FGF18: variants seen among roughly 807,000 people sequenced by gnomAD.
FGF18 encodes fibroblast growth factor 18.
A neutral mutation model predicts 23.0 loss-of-function variants in FGF18; 5 were observed. The ratio of observed to expected loss-of-function variants is 0.22; its 90% CI spans 0.11 to 0.46. The LOEUF (loss-of-function observed/expected upper bound fraction) is 0.46. Ranked by LOEUF, FGF18 falls within the 20% of genes least tolerant of loss-of-function variation. The pLI, the probability that FGF18 is intolerant of heterozygous loss-of-function variation, is 0.99. For missense variants in FGF18, 180 were observed against 291.6 expected (o/e 0.62, Z 2.79); for synonymous variants, 117 against 118.9 (o/e 0.98, Z 0.10).
At chr5:171,432,578 T>G (rs550758773) in intron 2 of FGF18, among the ~76,000 whole-genome samples, 25 of 152,076 alleles carry the variant, frequency 1.6e-4, no homozygotes, top group African/African-American at 6.0e-4. Flanking sequence ...CTGGCTAATT[T>G]TTGTATTTTC....
At chr5:171,452,852 C>T (rs1211577554) in intron 4 of FGF18, among the ~76,000 whole-genome samples, 13 of 152,166 alleles carry the variant, frequency 8.5e-5, no homozygotes, top group South Asian at 6.2e-4. Flanking sequence ...AAAGGGAATA[C>T]GGGGCTTATA....
intron 2 of FGF18, among the ~76,000 whole-genome samples, chr5:171,424,694 G>A (rs374665083): frequency 3.3e-5 from 5 of 152,156 alleles, no homozygotes; most frequent in South Asian, 2.1e-4. Flanking sequence ...CCAGGTAGGC[G>A]TCTCTGGGCT....
At chr5:171,421,057 G>C (rs1191483492) in intron 2 of FGF18, among the ~76,000 whole-genome samples, 2 of 152,242 alleles carry the variant, frequency 1.3e-5, no homozygotes, top group Non-Finnish European at 2.9e-5. Context: ...TGCAGCCCTC[G>C]TTGGTTCCCC....
Position 171,457,069 on chromosome 5 carries a change from C to A in FGF18, c.*264C>A. 5.1e-6 allele frequency: 2 copies of A among 391,452 alleles called. No homozygotes were observed. Among genetic ancestry groups the A allele is most frequent in the South Asian group, 4.3e-5 (1 of 23,452 alleles). The allele number at this position is 391,452 out of a possible 1,614,324, so 24.2% of individuals were successfully genotyped here. A position where few individuals can be genotyped will look rare whatever the true frequency, so the allele number is the denominator to read the frequency against. ...GTGCTTGTCTCTCTCTAGGAACAGA[C>A]AACTCTAAACTCGTCCCCAGAGGAG... On this transcript the variant is annotated 3_prime_UTR_variant, in exon 5 of 5. Coordinates refer to ENST00000274625, the MANE Select transcript of FGF18 (RefSeq NM_003862.3).
intron 3 of FGF18, among the ~76,000 whole-genome samples, chr5:171,448,772 G>A (rs370205893): frequency 1.1e-4 from 17 of 152,220 alleles, no homozygotes; most frequent in African/African-American, 4.1e-4. Context: ...CCTGTTTGGT[G>A]GAATAGAGTT....
chr5:171,452,819 T>G (rs1286574307), intron 4 of FGF18, among the ~76,000 whole-genome samples: 1 of 152,146 alleles, frequency 6.6e-6, no homozygotes, highest in Non-Finnish European at 1.5e-5. Context: ...TGGCTGAAAC[T>G]TAACCTAAAA....
chr5:171,443,561 C>T (rs1256800251), intron 3 of FGF18, among the ~76,000 whole-genome samples: 1 of 113,340 alleles, frequency 8.8e-6, no homozygotes, highest in Non-Finnish European at 1.7e-5. Flanking sequence ...CCGTGTTAGC[C>T]AGGATGGTCT....
chr5:171,456,733 G>C lies in FGF18; in HGVS notation c.552G>C (p.Glu184Asp), dbSNP rs374632508. 52 of 1,613,940 alleles carry C rather than the reference G, an allele frequency of 3.2e-5. No homozygotes were observed. Among genetic ancestry groups the C allele is most frequent in the Non-Finnish European group, 4.0e-5 (47 of 1,180,036 alleles). Residue 184 changes from glutamate (E) to aspartate (D), a missense_variant, in exon 5 of 5, where the codon GAG becomes GAC. Around this residue, in one of 3 missense-constraint regions of FGF18, gnomAD observed 40 missense variants for 41.4 expected, o/e 0.97. Coordinates refer to ENST00000274625, the MANE Select transcript of FGF18 (RefSeq NM_003862.3). The surrounding 1 kb of genome is among the most constrained non-coding windows in gnomAD (Gnocchi z 6.1). ...FMKRYPKGQP[E>D]LQKPFKYTTV... ...AGCGCTACCCCAAGGGGCAGCCGGA[G>C]CTTCAGAAGCCCTTCAAGTACACGA...
At chr5:171,446,109 G>A (rs894088455) in intron 3 of FGF18, among the ~76,000 whole-genome samples, 2 of 152,188 alleles carry the variant, frequency 1.3e-5, no homozygotes, top group Non-Finnish European at 2.9e-5. Context: ...TCCTCATGAT[G>A]TCATGTGCTG....
In FGF18 at chr5:171,449,855, C is replaced by T. The variant is rs550407646; in HGVS notation, c.357+602C>T. Among the ~76,000 whole-genome samples, 108 of 151,302 alleles carry T rather than the reference C, an allele frequency of 7.1e-4. 1 individual carries two copies. In the South Asian group the frequency reaches 0.02, roughly 28 times the overall value. ...TGGGGGTGCAGGTTGGGGGGACCCT[C>T]GGGTTGGGGAGACCCACGTGTGTGG... On this transcript the variant is annotated intron_variant, in intron 4 of 4. Coordinates refer to ENST00000274625, the MANE Select transcript of FGF18 (RefSeq NM_003862.3).
intron 3 of FGF18, among the ~76,000 whole-genome samples, chr5:171,445,234 T>G (rs867940049): frequency 2.6e-5 from 4 of 152,264 alleles, no homozygotes; most frequent in African/African-American, 9.6e-5. Flanking sequence ...GAGGCAGGGC[T>G]GGTCCACAGG....
intron 1 of FGF18, 67 bp from the exon 2 acceptor site, chr5:171,420,340 G>GTGTC: frequency 6.2e-7 from 1 of 1,606,382 alleles, no homozygotes; most frequent in Non-Finnish European, 8.5e-7. Flanking sequence ...CTTCGACTGC[G>GTGTC]TGTCTGTCTG....
At chr5:171,430,852 T>G (rs945695483) in intron 2 of FGF18, among the ~76,000 whole-genome samples, 4 of 152,044 alleles carry the variant, frequency 2.6e-5, no homozygotes, top group Admixed American at 2.0e-4. Flanking sequence ...ATATAATCTT[T>G]TTCTGAGATA....
chr5:171,437,869 A>C (rs1356133420), intron 3 of FGF18, among the ~76,000 whole-genome samples: 1 of 152,148 alleles, frequency 6.6e-6, no homozygotes, highest in Non-Finnish European at 1.5e-5. Context: ...GGTCTGAACC[A>C]TCTGTCCACG....
At chr5:171,449,072 A>G in intron 3 of FGF18, 75 bp from the exon 4 acceptor site, 3 of 1,091,662 alleles carry the variant, frequency 2.7e-6, no homozygotes, top group Middle Eastern at 2.0e-4. Context: ...ACCAGGGACC[A>G]TGTCACTGAG....
At position 171,423,098 on chromosome 5, in the gene FGF18, C is replaced by A. The variant is rs79117740; in HGVS notation, c.69+2655C>A. 2.0e-4 allele frequency among the ~76,000 whole-genome samples: 31 copies of A among 152,284 alleles called. No individual in the cohort carries two copies. In the East Asian group the frequency reaches 5.8e-3, roughly 29 times the overall value. On this transcript the variant is annotated intron_variant, in intron 2 of 4. Transcript: ENST00000274625. Reference sequence around the variant, plus strand: ...TTCTGGGCCCCTCCTTTCTTCCTGTCCATCGCTACCGGGCTCAGAATGGGT... The same window carrying A: ...TTCTGGGCCCCTCCTTTCTTCCTGTACATCGCTACCGGGCTCAGAATGGGT...
At chr5:171,447,819 A>G (rs536112631) in intron 3 of FGF18, among the ~76,000 whole-genome samples, 1 of 152,222 alleles carries the variant, frequency 6.6e-6, no homozygotes, top group South Asian at 2.1e-4. Flanking sequence ...GATTTTTGTT[A>G]TGGAGAAGCA....
At chr5:171,425,936 GC>G (rs1772082785) in intron 2 of FGF18, among the ~76,000 whole-genome samples, 1 of 152,188 alleles carries the variant, frequency 6.6e-6, no homozygotes, top group Non-Finnish European at 1.5e-5. Flanking sequence ...AAAGTAACCT[GC>G]GTTTGGTCAC....
At chr5:171,452,849 A>G (rs569042770) in intron 4 of FGF18, among the ~76,000 whole-genome samples, 7 of 152,294 alleles carry the variant, frequency 4.6e-5, no homozygotes, top group East Asian at 1.9e-4. Flanking sequence ...CAAAAAGGGA[A>G]TACGGGGCTT....
Sources: allele counts gnomAD v4.1 joint callset (sites outside exome capture counted in the v4.1 genomes callset), GRCh38; gene constraint gnomAD v4.1.1; regional missense constraint gnomAD v4.1.1; non-coding constraint Gnocchi (gnomAD v3.1); transcripts MANE v1.5; gene names NCBI Gene and HGNC (gene_info 2026-07-23, HGNC 2026-07-21).